The following ABTB3 variants were observed in gnomAD, a reference collection of about 807,000 sequenced individuals.
ABTB3 encodes ankyrin repeat- and BTB/POZ domain-containing protein 3.
chr12:107,520,480 A>G, the ABTB3 span: 44 of 1,612,144 alleles, frequency 2.7e-5, no homozygotes, highest in South Asian at 4.4e-4. Context: ...CTCCCTTCTG[A>G]CTGCAGGGGT....
chr12:107,579,697 A>G, the ABTB3 span, among the ~76,000 whole-genome samples: 1 of 152,218 alleles, frequency 6.6e-6, no homozygotes, highest in Non-Finnish European at 1.5e-5. Context: ...TCTCAATGCC[A>G]TGGTGGCCAT....
chr12:107,477,109 T>C, the ABTB3 span, among the ~76,000 whole-genome samples: 1 of 152,150 alleles, frequency 6.6e-6, no homozygotes, highest in Non-Finnish European at 1.5e-5. Context: ...CTGAAAATAC[T>C]AGGTCTCTGC....
chr12:107,379,972 G>A, the ABTB3 span, among the ~76,000 whole-genome samples: 1 of 152,196 alleles, frequency 6.6e-6, no homozygotes, highest in Non-Finnish European at 1.5e-5. Context: ...CAGTTCAGAA[G>A]GAAAGCAGAC....
chr12:107,642,574 C>G, the ABTB3 span, among the ~76,000 whole-genome samples: 1 of 152,136 alleles, frequency 6.6e-6, no homozygotes, highest in African/African-American at 2.4e-5. Flanking sequence ...GTCTTATGAG[C>G]TAAAACATCC....
the ABTB3 span, among the ~76,000 whole-genome samples, chr12:107,374,353 G>T: frequency 6.6e-6 from 1 of 152,134 alleles, no homozygotes; most frequent in Admixed American, 6.5e-5. Flanking sequence ...TTCCTGCTGG[G>T]CAGGATCTCT....
chr12:107,639,450 G>C, the ABTB3 span, among the ~76,000 whole-genome samples: 1 of 152,148 alleles, frequency 6.6e-6, no homozygotes, highest in East Asian at 1.9e-4. Flanking sequence ...ACCAACAGAG[G>C]CTCCTGTGAG....
chr12:107,380,273 T>C, the ABTB3 span, among the ~76,000 whole-genome samples: 1 of 152,218 alleles, frequency 6.6e-6, no homozygotes, highest in Non-Finnish European at 1.5e-5. Flanking sequence ...ATGGTTTTCA[T>C]TACTCTCCTG....
the ABTB3 span, among the ~76,000 whole-genome samples, chr12:107,361,513 C>T: frequency 2.0e-5 from 3 of 152,144 alleles, no homozygotes; most frequent in Admixed American, 6.5e-5. Flanking sequence ...CGTAACTTTT[C>T]GTATATGATT....
chr12:107,500,657 G>T, the ABTB3 span, among the ~76,000 whole-genome samples: 1 of 152,104 alleles, frequency 6.6e-6, no homozygotes, highest in African/African-American at 2.4e-5. Flanking sequence ...TAAACCAGGG[G>T]TCTTCCATCT....
the ABTB3 span, among the ~76,000 whole-genome samples, chr12:107,389,968 C>G: frequency 6.6e-6 from 1 of 152,022 alleles, no homozygotes; most frequent in Non-Finnish European, 1.5e-5. Context: ...TGTGTTCTCT[C>G]TGCATGGTCT....
At chr12:107,324,176 G>C in the ABTB3 span, among the ~76,000 whole-genome samples, 1 of 152,188 alleles carries the variant, frequency 6.6e-6, no homozygotes, top group Non-Finnish European at 1.5e-5. Flanking sequence ...AGGCACAATG[G>C]TATCTCATCT....
the ABTB3 span, chr12:107,617,094 C>G: frequency 1.2e-6 from 2 of 1,614,074 alleles, no homozygotes; most frequent in South Asian, 2.2e-5. Flanking sequence ...TGCAGCTCCT[C>G]CTGGATGCTG....
At chr12:107,597,113 C>T in the ABTB3 span, among the ~76,000 whole-genome samples, 1 of 152,330 alleles carries the variant, frequency 6.6e-6, no homozygotes, top group African/African-American at 2.4e-5. Context: ...TCACCAGACT[C>T]ATAGATGAAA....
chr12:107,545,703 C>T, the ABTB3 span, among the ~76,000 whole-genome samples: 2,458 of 152,234 alleles, frequency 0.016, 78 homozygotes, highest in African/African-American at 0.057. Context: ...CAAACATGCC[C>T]CAAATGGAGA....
the ABTB3 span, among the ~76,000 whole-genome samples, chr12:107,563,727 A>G: frequency 6.6e-6 from 1 of 152,076 alleles, no homozygotes; most frequent in African/African-American, 2.4e-5. Context: ...AATAGGTAGG[A>G]TTGTACTGGA....
chr12:107,332,101 C>G, the ABTB3 span, among the ~76,000 whole-genome samples: 2 of 152,354 alleles, frequency 1.3e-5, no homozygotes, highest in Admixed American at 6.5e-5. Context: ...CTGAGCCCCA[C>G]AGTGCATGGG....
At chr12:107,411,495 G>C in the ABTB3 span, among the ~76,000 whole-genome samples, 2 of 152,222 alleles carry the variant, frequency 1.3e-5, no homozygotes, top group Non-Finnish European at 2.9e-5. Flanking sequence ...CTTAAACATT[G>C]CCAGAATTAA....
chr12:107,385,854 C>T, the ABTB3 span, among the ~76,000 whole-genome samples: 1 of 152,210 alleles, frequency 6.6e-6, no homozygotes, highest in African/African-American at 2.4e-5. Context: ...CCTGCCCCCA[C>T]CCTCCTGCCA....
chr12:107,645,692 G>A, the ABTB3 span, among the ~76,000 whole-genome samples: 38 of 152,332 alleles, frequency 2.5e-4, no homozygotes, highest in South Asian at 4.6e-3. Flanking sequence ...GGAGGTTCCT[G>A]TAATAAGAAC....
Sources: allele counts gnomAD v4.1 joint callset (sites outside exome capture counted in the v4.1 genomes callset), GRCh38; gene constraint gnomAD v4.1.1; transcripts MANE v1.5; gene names NCBI Gene and HGNC (gene_info 2026-07-23, HGNC 2026-07-21).